Variants in TRPC5 observed in about 807,000 individuals in gnomAD.
TRPC5 encodes short transient receptor potential channel 5.
TRPC5 carries 9 observed loss-of-function variants against 56.5 expected under a neutral mutation model. That is an observed-to-expected ratio of 0.16 (90% CI 0.10 to 0.28). The LOEUF (loss-of-function observed/expected upper bound fraction) is 0.28, where lower values mean the gene tolerates loss of function less well. Among genes scored for constraint, TRPC5 ranks in the 10% least tolerant of loss-of-function variants. The pLI is 1.00. For missense variants in TRPC5, 469 were observed against 748.9 expected (o/e 0.63, Z 4.36); for synonymous variants, 282 against 278.5 (o/e 1.01, Z -0.13).
chrX:111,877,335 G>A (rs1249793228), intron 3 of TRPC5, among the ~76,000 whole-genome samples: 1 of 111,975 alleles, frequency 8.9e-6, no homozygotes, highest in African/African-American at 3.3e-5. Flanking sequence ...AAATGATGGA[G>A]AGGAATTAGG....
chrX:111,907,019 A>T (rs1472696188), intron 3 of TRPC5, among the ~76,000 whole-genome samples: 2 of 109,363 alleles, frequency 1.8e-5, no homozygotes, highest in Non-Finnish European at 3.8e-5. Flanking sequence ...TTTCATTATC[A>T]TCTAGAGGCT....
At chrX:111,876,777 G>A (rs761588479) in intron 3 of TRPC5, among the ~76,000 whole-genome samples, 12 of 111,997 alleles carry the variant, frequency 1.1e-4, no homozygotes, top group African/African-American at 3.6e-4. Flanking sequence ...ATGAAAAGAT[G>A]CAAAACTGGA....
At chrX:111,967,177 A>T (rs1477063502) in intron 1 of TRPC5, among the ~76,000 whole-genome samples, 10 of 111,386 alleles carry the variant, frequency 9.0e-5, no homozygotes, top group African/African-American at 3.3e-4. Flanking sequence ...CATTCTTATA[A>T]ACCAATAACA....
chrX:111,939,082 G>A (rs1204702763), intron 2 of TRPC5, among the ~76,000 whole-genome samples: 1 of 111,922 alleles, frequency 8.9e-6, no homozygotes, highest in Non-Finnish European at 1.9e-5. Flanking sequence ...CCTTGTACAT[G>A]CAGAGTTTTA....
In TRPC5 at chrX:111,974,779, T is replaced by C. The variant is rs112838737; in HGVS notation, c.-21-22338A>G. Among the ~76,000 whole-genome samples, 58 of 111,552 alleles carry C rather than the reference T, an allele frequency of 5.2e-4. 1 individual carries two copies. The highest frequency in any genetic ancestry group is 1.8e-3 in the African/African-American group (56 of 30,671). ...GAAAAGCTTGTCTTTATTTTGACCTTACTCCAGGGCTTTGTCAGTGAGGAA... is the reference window on the plus strand; with the variant it reads ...GAAAAGCTTGTCTTTATTTTGACCTCACTCCAGGGCTTTGTCAGTGAGGAA... On this transcript the variant is annotated intron_variant, in intron 1 of 10. Coordinates refer to ENST00000262839, the MANE Select transcript of TRPC5 (RefSeq NM_012471.3).
At chrX:111,777,450 T>A (rs1280320005) in intron 10 of TRPC5, among the ~76,000 whole-genome samples, 1 of 110,204 alleles carries the variant, frequency 9.1e-6, no homozygotes, top group Non-Finnish European at 1.9e-5. Context: ...GGGGGCCCTG[T>A]TCAAACCTCT....
rs757607444 is a variant in TRPC5 at position 111,837,906 on chromosome X, CAAAA to C, written c.1701-2794_1701-2791del. Among the ~76,000 whole-genome samples the C allele has an allele frequency of 1.4e-4, 6 of 42,656 alleles. No individual in the cohort carries two copies. In the South Asian group the frequency reaches 5.9e-3, roughly 42 times the overall value. 37.0% of individuals were successfully genotyped at this position (42,656 alleles called of 115,157 possible). Reference sequence around the variant, plus strand: ...GAGCAACATAACAAAGCCCCGTTATCAAAAAAAAAAAAAAAAAAAGCCAGGTATG... The same window carrying C: ...GAGCAACATAACAAAGCCCCGTTATCAAAAAAAAAAAAAAAGCCAGGTATG... On this transcript the variant is annotated intron_variant, in intron 6 of 10. Coordinates refer to ENST00000262839, the MANE Select transcript of TRPC5 (RefSeq NM_012471.3).
chrX:111,831,362 T>C (rs953208089), intron 7 of TRPC5, among the ~76,000 whole-genome samples: 1 of 112,441 alleles, frequency 8.9e-6, no homozygotes, highest in African/African-American at 3.2e-5. Context: ...GAGTCTCTGC[T>C]TTGAAAGTCT....
intron 6 of TRPC5, among the ~76,000 whole-genome samples, chrX:111,842,702 G>A (rs1270882985): frequency 1.8e-5 from 2 of 112,156 alleles, no homozygotes; most frequent in African/African-American, 6.5e-5. Context: ...TTGGAGCAAG[G>A]GGCTGGAACT....
intron 7 of TRPC5, among the ~76,000 whole-genome samples, chrX:111,818,760 C>T (rs761535031): frequency 4.6e-5 from 5 of 109,345 alleles, no homozygotes; most frequent in Non-Finnish European, 7.6e-5. Flanking sequence ...CACACCACCA[C>T]GCCCAGCTAA....
intron 2 of TRPC5, among the ~76,000 whole-genome samples, chrX:111,916,626 C>A (rs1428827351): frequency 1.8e-5 from 2 of 111,774 alleles, no homozygotes; most frequent in South Asian, 3.8e-4. Context: ...ATAATTTGGG[C>A]GAGTGAATGA....
At chrX:111,976,821 T>G (rs897786814) in intron 1 of TRPC5, among the ~76,000 whole-genome samples, 1 of 110,138 alleles carries the variant, frequency 9.1e-6, no homozygotes, top group East Asian at 2.9e-4. Flanking sequence ...CAAAAATCAG[T>G]GGCATTTCTA....
chrX:112,041,830 AATATT>A (rs1200336206), intron 1 of TRPC5, among the ~76,000 whole-genome samples: 2 of 112,039 alleles, frequency 1.8e-5, no homozygotes, highest in East Asian at 5.6e-4. Context: ...TTCCACAGGT[AATATT>A]GCTTATAGCT....
At position 111,775,657 on chromosome X, in the gene TRPC5, G is replaced by C. The variant is rs1436715929; in HGVS notation, c.*656C>G. ...GTAAATATTTCATTGGCACACATTA[G>C]GAAACTAACACATCTTTAAGAAACA... On this transcript the variant is annotated 3_prime_UTR_variant, in exon 11 of 11. Coordinates refer to ENST00000262839, the MANE Select transcript of TRPC5 (RefSeq NM_012471.3). 8.9e-6 allele frequency: 1 copy of C among 112,088 alleles called. No homozygotes were observed. Among genetic ancestry groups the C allele is most frequent in the African/African-American group, 3.3e-5 (1 of 30,727 alleles). The allele number at this position is 112,088 out of a possible 1,213,427, so 9.2% of individuals were successfully genotyped here.
chrX:112,049,424 CAT>C (rs749716509), intron 1 of TRPC5, among the ~76,000 whole-genome samples: 6 of 105,343 alleles, frequency 5.7e-5, no homozygotes, highest in Non-Finnish European at 7.7e-5. Flanking sequence ...TACACACACG[CAT>C]ATATATACAC....
intron 1 of TRPC5, among the ~76,000 whole-genome samples, chrX:112,018,770 G>A (rs140525471): frequency 0.016 from 1,848 of 112,320 alleles, 21 homozygotes; most frequent in African/African-American, 0.057. Context: ...TAGTCTCACT[G>A]AACTGAAATC....
chrX:111,776,080 G>A lies in TRPC5; in HGVS notation c.*233C>T, dbSNP rs895895403. On this transcript the variant is annotated 3_prime_UTR_variant, in exon 11 of 11. Transcript: ENST00000262839. ...GATTAGGTGCAACACCCCTTCAGTC[G>A]GTTGTAAGATGGACTTAGTGTGTAT... is the stretch of plus-strand genomic sequence containing the variant. 4 of 301,558 alleles carry A rather than the reference G, an allele frequency of 1.3e-5. No individual in the cohort carries two copies. The highest frequency in any genetic ancestry group is 2.3e-5 in the Non-Finnish European group (4 of 173,026). 24.9% of individuals were successfully genotyped at this position (301,558 alleles called of 1,213,427 possible). A position where few individuals can be genotyped will look rare whatever the true frequency, so the allele number is the denominator to read the frequency against.
chrX:111,893,625 A>C (rs192589482), intron 3 of TRPC5, among the ~76,000 whole-genome samples: 20 of 112,278 alleles, frequency 1.8e-4, no homozygotes, highest in African/African-American at 6.1e-4. Flanking sequence ...TAAATTGACC[A>C]TAAGGACATT....
chrX:111,944,180 A>G (rs1926857906), intron 2 of TRPC5, among the ~76,000 whole-genome samples: 1 of 109,502 alleles, frequency 9.1e-6, no homozygotes, highest in African/African-American at 3.3e-5. Context: ...ATTAACGGTG[A>G]ATTAGAGTCT....
Sources: gnomAD v4.1 joint callset for allele counts (sites outside exome capture counted in the v4.1 genomes callset) on GRCh38, gnomAD v4.1.1 for gene constraint, MANE v1.5 for transcripts, NCBI Gene and HGNC (gene_info 2026-07-23, HGNC 2026-07-21) for gene names.